Variants in MCF2L observed in about 807,000 individuals in gnomAD.
MCF2L encodes guanine nucleotide exchange factor DBS.
In MCF2L, 97 loss-of-function variants were observed where a neutral mutation model predicts 153.4. That is an observed-to-expected ratio of 0.63 (90% CI 0.54 to 0.75). The LOEUF (loss-of-function observed/expected upper bound fraction) is 0.75, where lower values mean the gene tolerates loss of function less well. MCF2L is among the 30% of genes least tolerant of loss of function. MCF2L has a pLI of 0.00. For synonymous variants in MCF2L, 659 were observed against 632.2 expected (o/e 1.04, Z -0.64); for missense variants, 1,347 against 1,495.2 (o/e 0.90, Z 1.64).
At chr13:112,913,572 A>G (rs2081258520) in intron 2 of MCF2L, among the ~76,000 whole-genome samples, 1 of 152,188 alleles carries the variant, frequency 6.6e-6, no homozygotes, top group South Asian at 2.1e-4. Flanking sequence ...ATGGGCTGCT[A>G]GTAAACATTT....
At position 113,096,618 on chromosome 13, in the gene MCF2L, G is replaced by A; in HGVS notation, c.3257G>A (p.Gly1086Asp). 1 of 1,596,326 alleles carries A rather than the reference G, an allele frequency of 6.3e-7. No homozygotes were observed. Among genetic ancestry groups the A allele is most frequent in the South Asian group, 1.1e-5 (1 of 89,744 alleles). The change falls in exon 29 of 30, where the codon GGC (glycine) becomes GAC (aspartate). Residue 1086 changes from glycine to aspartate, a missense_variant. Physicochemically the swap from Gly to Asp is moderately conservative, Grantham distance 94 (BLOSUM62 -1). Around this residue, in one of 3 missense-constraint regions of MCF2L, gnomAD observed 383 missense variants for 335.4 expected, o/e 1.14. Coordinates refer to ENST00000535094, the MANE Select transcript of MCF2L (RefSeq NM_001112732.3). ...GCCAGCAGCCTGTCCGTCCGGCTCG[G>A]CCCGTCCGGCTCGGCCCAGTGCCTG... ...VPASSLSVRL[G>D]PSGSAQCLSS...
intron 2 of MCF2L, among the ~76,000 whole-genome samples, chr13:112,908,966 C>T (rs370394705): frequency 2.0e-5 from 3 of 152,072 alleles, no homozygotes; most frequent in Non-Finnish European, 4.4e-5. Context: ...CCTCGTGATC[C>T]GCCTGCCTCA....
At chr13:112,952,919 C>T (rs9549611) in intron 2 of MCF2L, among the ~76,000 whole-genome samples, 31,701 of 152,066 alleles carry the variant, frequency 0.21, 3,841 homozygotes, top group South Asian at 0.3. Flanking sequence ...CGGGGCGCCC[C>T]GTGTGATCAG....
chr13:113,094,975 A>C (rs1595044899), intron 27 of MCF2L: 1 of 1,381,544 alleles, frequency 7.2e-7, no homozygotes, highest in African/African-American at 1.5e-5. Flanking sequence ...CCAGGTGCCC[A>C]CCCAGCCTCC....
intron 2 of MCF2L, 123 bp downstream of exon 2, chr13:113,014,969 C>G (rs1383746559): frequency 1.2e-6 from 1 of 807,498 alleles, no homozygotes; most frequent in African/African-American, 1.7e-5. Context: ...GCTGTGTATT[C>G]ACTGCCTTGG....
chr13:112,967,182 G>T (rs1407417358), upstream of MCF2L, among the ~76,000 whole-genome samples: 1 of 151,702 alleles, frequency 6.6e-6, no homozygotes, highest in African/African-American at 2.4e-5. Flanking sequence ...GGGTTGGGGT[G>T]GGGGGGCGGT....
chr13:112,990,771 T>TGCCAG (rs993376509), intron 1 of MCF2L, among the ~76,000 whole-genome samples: 17 of 152,226 alleles, frequency 1.1e-4, no homozygotes, highest in Non-Finnish European at 1.9e-4. Flanking sequence ...GTCTGCTCTG[T>TGCCAG]GCCAGGCCAG....
rs576663697 is a variant in MCF2L at position 112,998,981 on chromosome 13, G to A, written c.80-15782G>A. On this transcript the variant is annotated intron_variant, in intron 1 of 29. Transcript: ENST00000535094. ...TCCTGGACTGAGTGAGAAACGGTGG[G>A]TGAGCAGCCATGGCCACAGCGATGA... Among the ~76,000 whole-genome samples, 6 of 152,290 alleles carry A rather than the reference G, an allele frequency of 3.9e-5. No homozygotes were observed. The East Asian group carries it at 1.2e-3, about 29-fold the overall frequency.
At chr13:113,058,897 G>A (rs1021020733) in intron 4 of MCF2L, among the ~76,000 whole-genome samples, 6 of 110,136 alleles carry the variant, frequency 5.4e-5, no homozygotes, top group South Asian at 3.1e-4. Context: ...CTGAGTGGGC[G>A]CTGAGTGTTT....
chr13:113,037,852 C>T (rs2086244808), intron 3 of MCF2L, among the ~76,000 whole-genome samples: 1 of 152,108 alleles, frequency 6.6e-6, no homozygotes, highest in East Asian at 1.9e-4. Flanking sequence ...AAAGAAAAGT[C>T]TTAAGGATTG....
chr13:113,058,049 G>C (rs1273102829), intron 4 of MCF2L, among the ~76,000 whole-genome samples: 1 of 149,642 alleles, frequency 6.7e-6, no homozygotes, highest in Non-Finnish European at 1.5e-5. Flanking sequence ...TTTAGGTGCT[G>C]AGTGTTTGGG....
At chr13:113,075,222 C>G (rs762636866) in intron 11 of MCF2L, 33 bp downstream of exon 11, 71 of 1,551,220 alleles carry the variant, frequency 4.6e-5, no homozygotes, top group African/African-American at 6.8e-5. Context: ...CCACTCCCCC[C>G]CAGCTGCGGA....
At chr13:112,939,816 CA>C (rs1212185866) in intron 2 of MCF2L, among the ~76,000 whole-genome samples, 77 of 151,962 alleles carry the variant, frequency 5.1e-4, no homozygotes, top group Admixed American at 2.0e-4. Flanking sequence ...CATCTCTATG[CA>C]AAAAATTAGC....
intron 2 of MCF2L, among the ~76,000 whole-genome samples, chr13:113,020,868 A>ATGTGTATGTGTAGATGTGTGTATG (rs1382804011): frequency 6.9e-6 from 1 of 144,856 alleles, no homozygotes; most frequent in Non-Finnish European, 1.5e-5. Context: ...TAGTGTGTAT[A>ATGTGTATGTGTAGATGTGTGTATG]TGTGTGTATG....
chr13:112,926,513 G>A (rs571969538), intron 2 of MCF2L, among the ~76,000 whole-genome samples: 56 of 152,136 alleles, frequency 3.7e-4, no homozygotes, highest in Middle Eastern at 3.4e-3. Flanking sequence ...CATGCACAGC[G>A]GAGTACTGTA....
At chr13:113,030,844 A>C (rs2085642411) in intron 3 of MCF2L, among the ~76,000 whole-genome samples, 2 of 152,076 alleles carry the variant, frequency 1.3e-5, no homozygotes, top group South Asian at 4.1e-4. Context: ...CGGGGAGGAG[A>C]TGCACAGGTA....
intron 2 of MCF2L, chr13:112,902,380 C>T (rs780484664): frequency 1.9e-6 from 3 of 1,610,618 alleles, no homozygotes; most frequent in South Asian, 2.2e-5. Flanking sequence ...AGGTAGGCGC[C>T]TGGTGCTGCG....
chr13:112,996,782 T>G (rs886965811), intron 1 of MCF2L, among the ~76,000 whole-genome samples: 8 of 152,208 alleles, frequency 5.3e-5, no homozygotes, highest in African/African-American at 1.9e-4. Context: ...TCCTCTCTCC[T>G]GAGTCCTGAT....
At position 113,070,144 on chromosome 13, in the gene MCF2L, C is replaced by T; in HGVS notation, c.967C>T (p.Leu323Phe). Residue 323 changes from leucine to phenylalanine, a missense_variant, in exon 9 of 30, where the codon CTC (leucine) becomes TTC (phenylalanine). Transcript: ENST00000535094. This position sits in a 1 kb window ranked among gnomAD's most constrained non-coding sequence, Gnocchi z 5.6. ...GCAGAAACTGGAGCAGTGTCTGCAG[C>T]TCCGGCACTTTGAGCAGGGCTTCCG... is the stretch of plus-strand genomic sequence containing the variant. ...HQQKLEQCLQLRHFEQGFREV... is the reference protein window; with the variant it reads ...HQQKLEQCLQFRHFEQGFREV... The T allele has an allele frequency of 1.2e-6, 2 of 1,604,248 alleles. No homozygotes were observed. Among genetic ancestry groups the T allele is most frequent in the Non-Finnish European group, 1.7e-6 (2 of 1,176,596 alleles).
Sources: gnomAD v4.1 joint callset for allele counts (sites outside exome capture counted in the v4.1 genomes callset) on GRCh38, gnomAD v4.1.1 for gene constraint, gnomAD v4.1.1 regional missense constraint, Gnocchi (gnomAD v3.1) non-coding constraint, MANE v1.5 for transcripts, NCBI Gene and HGNC (gene_info 2026-07-23, HGNC 2026-07-21) for gene names.